The following PSTK variants were observed in gnomAD, a reference collection of about 807,000 sequenced individuals.
PSTK encodes the protein phosphoseryl-tRNA kinase, also known as L-seryl-tRNA(Sec) kinase.
A neutral mutation model predicts 38.6 loss-of-function variants in PSTK; 26 were observed. The ratio of observed to expected loss-of-function variants is 0.67; its 90% CI spans 0.49 to 0.94. The LOEUF is 0.94. Among genes scored for constraint, PSTK ranks in the 40% least tolerant of loss-of-function variants. The pLI is 0.00. For missense variants in PSTK, 445 were observed against 436.3 expected (o/e 1.02, Z -0.18); for synonymous variants, 181 against 161.7 (o/e 1.12, Z -0.91).
In PSTK at chr10:122,990,210, C is replaced by T; in HGVS notation, c.914C>T (p.Ala305Val). 2 of 1,528,394 alleles carry T rather than the reference C, an allele frequency of 1.3e-6. No individual in the cohort carries two copies. Among genetic ancestry groups the T allele is most frequent in the African/African-American group, 1.4e-5 (1 of 71,712 alleles). 94.7% of individuals were successfully genotyped at this position (1,528,394 alleles called of 1,614,324 possible). A position where few individuals can be genotyped will look rare whatever the true frequency, so the allele number is the denominator to read the frequency against. Residue 305 changes from alanine (A) to valine (V), a missense_variant, in exon 6 of 6, where the codon GCA (alanine) becomes GTA (valine). Ala to Val is a moderately conservative substitution (Grantham distance 64). Coordinates refer to ENST00000406217, the MANE Select transcript of PSTK (RefSeq NM_001363531.2). ...QVLPHNLKLL[A>V]EELNKLKAEF... is the part of the protein sequence containing the mutation. ...CTTCCTCACAACTTGAAGCTTCTAGCAGAAGAACTTAACAAGCTCAAAGCA... is the reference window on the plus strand; with the variant it reads ...CTTCCTCACAACTTGAAGCTTCTAGTAGAAGAACTTAACAAGCTCAAAGCA...
intron 1 of PSTK, chr10:122,982,208 C>CT (rs1450992701): frequency 6.5e-6 from 1 of 152,716 alleles, no homozygotes. Flanking sequence ...TTGCTGTCTA[C>CT]TACCTTTCCC....
In PSTK at chr10:122,990,271, A is replaced by T; in HGVS notation, c.975A>T (p.Lys325Asn). 6.5e-7 allele frequency: 1 copy of T among 1,540,908 alleles called. No individual in the cohort carries two copies. The highest frequency in any genetic ancestry group is 1.4e-5 in the African/African-American group (1 of 72,562). Residue 325 changes from lysine to asparagine, a missense_variant, in exon 6 of 6, where the codon AAA (lysine) becomes AAT (asparagine). Transcript: ENST00000406217. Reference protein sequence around the residue: ...FLEDLKQGNKKYLCFQQTIDI... With the variant: ...FLEDLKQGNKNYLCFQQTIDI... ...AAGACCTAAAACAAGGAAACAAAAA[A>T]TATCTGTGCTTTCAGCAAACCATTG...
chr10:122,982,638 G>A, intron 1 of PSTK, 95 bp from the exon 2 acceptor site: 1 of 1,013,474 alleles, frequency 9.9e-7, no homozygotes, highest in Non-Finnish European at 1.5e-6. Flanking sequence ...CGTATTGTGA[G>A]CTGAAATTTT....
chr10:122,983,497 G>A, intron 3 of PSTK, 27 bp downstream of exon 3: 1 of 1,601,880 alleles, frequency 6.2e-7, no homozygotes, highest in Middle Eastern at 2.2e-4. Context: ...TCCCTCCCTG[G>A]ATGCTCCCCT....
intron 1 of PSTK, among the ~76,000 whole-genome samples, chr10:122,981,204 A>G (rs111920540): frequency 2.9e-3 from 440 of 152,368 alleles, no homozygotes; most frequent in African/African-American, 0.01. Flanking sequence ...GGGGTCCCTC[A>G]GAACGATAGA....
At chr10:122,987,392 T>C (rs902583973) in intron 5 of PSTK, 7 of 1,614,056 alleles carry the variant, frequency 4.3e-6, no homozygotes, top group African/African-American at 2.7e-5. Context: ...GAGCGAACCA[T>C]GCAGCTATCT....
chr10:122,990,311 A>G lies in PSTK; in HGVS notation c.1015A>G (p.Ile339Val). The change falls in exon 6 of 6, where the codon ATT (isoleucine) becomes GTT (valine). Residue 339 changes from isoleucine (I) to valine (V), a missense_variant. Coordinates refer to ENST00000406217, the MANE Select transcript of PSTK (RefSeq NM_001363531.2). ...GCAAACCATTGACATACCAGATGTC[A>G]TTTCTTTTTTTCATTATGAGAAAGA... The part of the protein sequence containing the change: ...FQQTIDIPDV[I>V]SFFHYEKDNI... 2 of 1,522,724 alleles carry G rather than the reference A, an allele frequency of 1.3e-6. No individual in the cohort carries two copies. The highest frequency in any genetic ancestry group is 1.4e-5 in the African/African-American group (1 of 71,364). 94.3% of individuals were successfully genotyped at this position (1,522,724 alleles called of 1,614,324 possible). A position where few individuals can be genotyped will look rare whatever the true frequency, so the allele number is the denominator to read the frequency against.
chr10:122,989,453 T>C (rs1198879018), intron 5 of PSTK, among the ~76,000 whole-genome samples: 1 of 152,148 alleles, frequency 6.6e-6, no homozygotes, highest in Non-Finnish European at 1.5e-5. Flanking sequence ...GGTTTCACCA[T>C]GTTGGCCAGT....
At chr10:122,982,663 T>C in intron 1 of PSTK, 70 bp from the exon 2 acceptor site, 1 of 1,325,718 alleles carries the variant, frequency 7.5e-7, no homozygotes, top group Non-Finnish European at 1.1e-6. Flanking sequence ...TGGGGCAGGG[T>C]GGCAGTGAGG....
Position 122,982,703 on chromosome 10 carries a change from T to C in PSTK, c.217-30T>C, listed in dbSNP as rs1197597667. On this transcript the variant is annotated intron_variant, in intron 1 of 5. Transcript: ENST00000406217. ...ATGACTGACCACCCTAGTGGCCTAA[T>C]ATGAATTGCAATTCTTTGGTCTCTT... is the stretch of plus-strand genomic sequence containing the variant. The C allele has an allele frequency of 2.5e-6, 4 of 1,607,284 alleles. No homozygotes were observed. In the Admixed American group the frequency reaches 6.7e-5, roughly 27 times the overall value.
chr10:122,983,011 G>A lies in PSTK; in HGVS notation c.495G>A (p.Gln165=), dbSNP rs769053036. 4 of 1,607,656 alleles carry A rather than the reference G, an allele frequency of 2.5e-6. No homozygotes were observed. The South Asian group carries it at 4.4e-5, about 18-fold the overall frequency. ...AGAGTATGAGATATGAAGTCTACCA[G>A]CTGGCTCGGAAATGTAATTAAAACT... ...YYQSMRYEVY[Q]LARKYSLGFC... The change falls in exon 2 of 6, where the codon CAG becomes CAA. Residue 165 remains glutamine (Q), a synonymous_variant. Transcript: ENST00000406217.
rs1190090363 is a variant in PSTK, at chr10:122,982,730, T to G, written c.217-3T>G. On this transcript the variant is annotated splice_region_variant and splice_polypyrimidine_tract_variant and intron_variant, in intron 1 of 5. Transcript: ENST00000406217. Reference sequence around the variant, plus strand: ...TGAATTGCAATTCTTTGGTCTCTTGTAGCCATCCCAATGGAAATTGCTTCG... The same window carrying G: ...TGAATTGCAATTCTTTGGTCTCTTGGAGCCATCCCAATGGAAATTGCTTCG... 6.2e-7 allele frequency: 1 copy of G among 1,613,874 alleles called. No individual in the cohort carries two copies. Among genetic ancestry groups the G allele is most frequent in the African/African-American group, 1.3e-5 (1 of 75,064 alleles).
intron 3 of PSTK, chr10:122,983,693 T>G (rs930499536): frequency 4.1e-5 from 20 of 493,768 alleles, no homozygotes; most frequent in African/African-American, 2.7e-4. Context: ...ACGATTATAC[T>G]GTCTTCCAGT....
chr10:122,986,503 A>G, intron 4 of PSTK, 128 bp downstream of exon 4: 1 of 719,988 alleles, frequency 1.4e-6, no homozygotes, highest in East Asian at 2.7e-5. Context: ...TCTCACCAGC[A>G]CTCACTGCTG....
intron 1 of PSTK, among the ~76,000 whole-genome samples, chr10:122,981,177 T>C (rs745408449): frequency 1.3e-5 from 2 of 152,194 alleles, no homozygotes; most frequent in Non-Finnish European, 2.9e-5. Flanking sequence ...ATAAAAACTA[T>C]AAGTAACAAA....
In PSTK at chr10:122,980,706, AGGGGCGGGGCCTGGGCCGCGGGGC is replaced by A. The variant is rs1364033177; in HGVS notation, c.216+22_216+45del. ...AGAGCGCGACCGGCGGTCAGCACGG[AGGGGCGGGGCCTGGGCCGCGGGGC>A]GGGGCGGGGCGGGGCGGGGCGGGGC... On this transcript the variant is annotated intron_variant, in intron 1 of 5. Coordinates refer to ENST00000406217, the MANE Select transcript of PSTK (RefSeq NM_001363531.2). This position sits in a 1 kb window ranked among gnomAD's most constrained non-coding sequence, Gnocchi z 4.3. The A allele has an allele frequency of 3.9e-6, 4 of 1,014,440 alleles. No homozygotes were observed. The highest frequency in any genetic ancestry group is 7.2e-5 in the Admixed American group (2 of 27,850). The allele number at this position is 1,014,440 out of a possible 1,614,324, so 62.8% of individuals were successfully genotyped here. A position where few individuals can be genotyped will look rare whatever the true frequency, so the allele number is the denominator to read the frequency against.
At position 122,980,800 on chromosome 10, in the gene PSTK, G is replaced by T; in HGVS notation, c.216+105G>T. The T allele has an allele frequency of 7.8e-7, 1 of 1,287,172 alleles. No individual in the cohort carries two copies. The highest frequency in any genetic ancestry group is 9.8e-7 in the Non-Finnish European group (1 of 1,023,256). The allele number at this position is 1,287,172 out of a possible 1,614,324, so 79.7% of individuals were successfully genotyped here. A position where few individuals can be genotyped will look rare whatever the true frequency, so the allele number is the denominator to read the frequency against. ...CGGTCCTGGGTGATTTGCCATGAGC[G>T]CCCATTGCTTGGTGTGGGAGGTGAA... is the stretch of plus-strand genomic sequence containing the variant. On this transcript the variant is annotated intron_variant, in intron 1 of 5. Coordinates refer to ENST00000406217, the MANE Select transcript of PSTK (RefSeq NM_001363531.2). The surrounding 1 kb of genome is among the most constrained non-coding windows in gnomAD (Gnocchi z 4.3).
chr10:122,980,406 C>G lies in PSTK; in HGVS notation c.-74C>G. On this transcript the variant is annotated 5_prime_UTR_variant, in exon 1 of 6. Transcript: ENST00000406217. This position sits in a 1 kb window ranked among gnomAD's most constrained non-coding sequence, Gnocchi z 4.3. ...CCACTGCGCCGGTAGGCGGCGGAGA[C>G]GCTGCGCGTGCGCGCAGGGCAGACG... 1.4e-6 allele frequency: 2 copies of G among 1,410,458 alleles called. No individual in the cohort carries two copies. Among genetic ancestry groups the G allele is most frequent in the South Asian group, 1.4e-5 (1 of 70,110 alleles). The allele number at this position is 1,410,458 out of a possible 1,614,324, so 87.4% of individuals were successfully genotyped here. A position where few individuals can be genotyped will look rare whatever the true frequency, so the allele number is the denominator to read the frequency against.
At position 122,980,794 on chromosome 10, in the gene PSTK, A is replaced by G. The variant is rs1327651303; in HGVS notation, c.216+99A>G. The G allele has an allele frequency of 7.8e-6, 10 of 1,285,432 alleles. No homozygotes were observed. In the Admixed American group the frequency reaches 2.1e-4, roughly 27 times the overall value. The allele number at this position is 1,285,432 out of a possible 1,614,324, so 79.6% of individuals were successfully genotyped here. On this transcript the variant is annotated intron_variant, in intron 1 of 5. Coordinates refer to ENST00000406217, the MANE Select transcript of PSTK (RefSeq NM_001363531.2). This position sits in a 1 kb window ranked among gnomAD's most constrained non-coding sequence, Gnocchi z 4.3. ...TCCACGCGGTCCTGGGTGATTTGCC[A>G]TGAGCGCCCATTGCTTGGTGTGGGA...
Sources: allele counts gnomAD v4.1 joint callset (sites outside exome capture counted in the v4.1 genomes callset), GRCh38; gene constraint gnomAD v4.1.1; non-coding constraint Gnocchi (gnomAD v3.1); transcripts MANE v1.5; gene names NCBI Gene and HGNC (gene_info 2026-07-23, HGNC 2026-07-21).